INPP5A: variants seen among roughly 807,000 people sequenced by gnomAD.
INPP5A encodes the protein inositol polyphosphate-5-phosphatase A.
INPP5A carries 14 observed loss-of-function variants against 65.2 expected under a neutral mutation model. The ratio of observed to expected loss-of-function variants is 0.21; its 90% CI spans 0.14 to 0.34. INPP5A has a LOEUF of 0.34. Among genes scored for constraint, INPP5A ranks in the 10% least tolerant of loss-of-function variants. INPP5A has a pLI of 1.00. For synonymous variants in INPP5A, 207 were observed against 208.3 expected (o/e 0.99, Z 0.05); for missense variants, 431 against 545.6 (o/e 0.79, Z 2.09).
At position 132,659,032 on chromosome 10, in the gene INPP5A, C is replaced by G. The variant is rs1426024882; in HGVS notation, c.306+8527C>G. The stretch of plus-strand genomic sequence containing the variant: ...AGCTGCCGTCCACAGTGGAAGCTGC[C>G]AGCCACCAAGGCTACCGACCTGGGC... On this transcript the variant is annotated intron_variant, in intron 4 of 15. Coordinates refer to ENST00000368594, the MANE Select transcript of INPP5A (RefSeq NM_005539.5). This position sits in a 1 kb window ranked among gnomAD's most constrained non-coding sequence, Gnocchi z 5.5. 6.6e-6 allele frequency among the ~76,000 whole-genome samples: 1 copy of G among 152,196 alleles called. No individual in the cohort carries two copies. Among genetic ancestry groups the G allele is most frequent in the Non-Finnish European group, 1.5e-5 (1 of 68,036 alleles).
At chr10:132,596,859 A>G (rs7082275) in intron 1 of INPP5A, among the ~76,000 whole-genome samples, 32 of 134,576 alleles carry the variant, frequency 2.4e-4, no homozygotes, top group East Asian at 1.1e-3. Flanking sequence ...GTGTGTGTGC[A>G]TGTGTGTGCA....
In INPP5A at chr10:132,549,294, A is replaced by G. The variant is rs1317814605; in HGVS notation, c.75+11123A>G. Among the ~76,000 whole-genome samples, 1 of 152,078 alleles carries G rather than the reference A, an allele frequency of 6.6e-6. No individual in the cohort carries two copies. Among genetic ancestry groups the G allele is most frequent in the Non-Finnish European group, 1.5e-5 (1 of 68,020 alleles). On this transcript the variant is annotated intron_variant, in intron 1 of 15. Transcript: ENST00000368594. The surrounding 1 kb of genome is among the most constrained non-coding windows in gnomAD (Gnocchi z 4.9). ...TGGCTGTCTTTCCGGGAGCTGCTCAATTCTTCCCATAGTTGCTGCCCCATT... is the reference window on the plus strand; with the variant it reads ...TGGCTGTCTTTCCGGGAGCTGCTCAGTTCTTCCCATAGTTGCTGCCCCATT...
At chr10:132,661,026 G>T (rs2072729849) in intron 4 of INPP5A, among the ~76,000 whole-genome samples, 1 of 152,180 alleles carries the variant, frequency 6.6e-6, no homozygotes, top group Admixed American at 6.5e-5. Context: ...CCTTGGCCAA[G>T]ATGAGGATGC....
At chr10:132,569,470 A>G (rs1256741121) in intron 1 of INPP5A, among the ~76,000 whole-genome samples, 1 of 151,824 alleles carries the variant, frequency 6.6e-6, no homozygotes, top group African/African-American at 2.4e-5. Context: ...GATCCTCCCA[A>G]CTCAGCCCCC....
At chr10:132,542,670 G>A (rs529453652) in intron 1 of INPP5A, among the ~76,000 whole-genome samples, 1 of 152,308 alleles carries the variant, frequency 6.6e-6, no homozygotes, top group African/African-American at 2.4e-5. Context: ...GGTGCGGGTT[G>A]TACCCAGCTG....
At chr10:132,719,637 G>A (rs1477105523) in intron 8 of INPP5A, among the ~76,000 whole-genome samples, 22 of 148,102 alleles carry the variant, frequency 1.5e-4, no homozygotes, top group South Asian at 4.3e-4. Flanking sequence ...GCTGTCTTGC[G>A]GGTTCTGTGG....
chr10:132,703,701 G>A (rs1845479109), intron 6 of INPP5A, among the ~76,000 whole-genome samples: 1 of 78,392 alleles, frequency 1.3e-5, no homozygotes. Flanking sequence ...GACACATGCG[G>A]CTTCACCCCC....
chr10:132,774,719 A>G (rs1359623324), intron 12 of INPP5A, among the ~76,000 whole-genome samples: 1 of 151,876 alleles, frequency 6.6e-6, no homozygotes, highest in African/African-American at 2.4e-5. Flanking sequence ...GGGCCTTGTC[A>G]GCAGGGCCAG....
chr10:132,589,263 A>C (rs1448905123), intron 1 of INPP5A, among the ~76,000 whole-genome samples: 1 of 152,180 alleles, frequency 6.6e-6, no homozygotes, highest in Non-Finnish European at 1.5e-5. Context: ...GACAGGCGGC[A>C]CCCACACCCT....
Position 132,698,922 on chromosome 10 carries a change from G to A in INPP5A, c.474+1003G>A, listed in dbSNP as rs1026169758. Among the ~76,000 whole-genome samples the A allele has an allele frequency of 3.3e-5, 5 of 152,208 alleles. No individual in the cohort carries two copies. The highest frequency in any genetic ancestry group is 6.5e-5 in the Admixed American group (1 of 15,278). Reference sequence around the variant, plus strand: ...GCACCTTGAGTGAGGGACTGTGGCCGCCCGTGAAGGATGGGGTGCTCCTGT... The same window carrying A: ...GCACCTTGAGTGAGGGACTGTGGCCACCCGTGAAGGATGGGGTGCTCCTGT... On this transcript the variant is annotated intron_variant, in intron 6 of 15. Transcript: ENST00000368594. This position sits in a 1 kb window ranked among gnomAD's most constrained non-coding sequence, Gnocchi z 5.5.
At chr10:132,745,623 TGTGGTGGGCCTCGGGC>T (rs893848216) in intron 9 of INPP5A, among the ~76,000 whole-genome samples, 25 of 110,374 alleles carry the variant, frequency 2.3e-4, no homozygotes, top group Non-Finnish European at 4.4e-4. Flanking sequence ...AGACCCTGGG[TGTGGTGGGCCTCGGGC>T]GTGGTGGCCT....
chr10:132,620,925 T>A (rs763485567), intron 2 of INPP5A, among the ~76,000 whole-genome samples: 12 of 152,220 alleles, frequency 7.9e-5, no homozygotes, highest in Non-Finnish European at 1.5e-5. Context: ...GCAAAAATTA[T>A]TTTCAATGTT....
intron 12 of INPP5A, among the ~76,000 whole-genome samples, chr10:132,772,534 A>C (rs1394599411): frequency 8.6e-6 from 1 of 115,638 alleles, no homozygotes; most frequent in African/African-American, 3.3e-5. Context: ...AGTGGGACGG[A>C]CACTCAGCAC....
At chr10:132,736,855 G>A (rs1267118365) in intron 9 of INPP5A, among the ~76,000 whole-genome samples, 11 of 152,196 alleles carry the variant, frequency 7.2e-5, no homozygotes, top group East Asian at 1.9e-4. Flanking sequence ...TGGCTGCTCC[G>A]GCCCCAGCCA....
chr10:132,750,515 G>A (rs890384094), intron 11 of INPP5A, among the ~76,000 whole-genome samples: 3 of 152,264 alleles, frequency 2.0e-5, no homozygotes, highest in South Asian at 2.1e-4. Flanking sequence ...CAGTGTAGGC[G>A]AGCGCTGAGG....
At chr10:132,739,569 C>T (rs2134614334) in intron 9 of INPP5A, among the ~76,000 whole-genome samples, 1 of 152,344 alleles carries the variant, frequency 6.6e-6, no homozygotes, top group South Asian at 2.1e-4. Context: ...GGCTATAGTG[C>T]CAGCCCCCTG....
intron 12 of INPP5A, among the ~76,000 whole-genome samples, chr10:132,775,985 G>A (rs1240604635): frequency 2.0e-5 from 3 of 150,796 alleles, no homozygotes; most frequent in African/African-American, 7.3e-5. Flanking sequence ...GGACGTGTGT[G>A]CGGATGCAAT....
intron 1 of INPP5A, among the ~76,000 whole-genome samples, chr10:132,584,426 TATTC>T (rs1420740587): frequency 6.6e-6 from 1 of 152,276 alleles, no homozygotes; most frequent in African/African-American, 2.4e-5. Context: ...AAAAGTTTTC[TATTC>T]ATTATGTGCC....
intron 2 of INPP5A, among the ~76,000 whole-genome samples, chr10:132,633,289 C>T (rs1049631820): frequency 2.6e-5 from 4 of 152,162 alleles, no homozygotes; most frequent in African/African-American, 4.8e-5. Context: ...TACATTTACC[C>T]GGTACATTCT....
Sources: allele counts gnomAD v4.1 joint callset (sites outside exome capture counted in the v4.1 genomes callset), GRCh38; gene constraint gnomAD v4.1.1; non-coding constraint Gnocchi (gnomAD v3.1); transcripts MANE v1.5; gene names NCBI Gene and HGNC (gene_info 2026-07-23, HGNC 2026-07-21).